Variants in FRYL observed in about 807,000 individuals in gnomAD.
FRYL encodes the protein protein furry homolog-like.
Under a neutral mutation model 351.2 loss-of-function variants are expected in FRYL, and 150 were observed. The observed-to-expected ratio is 0.43, with a 90% CI of 0.37 to 0.49. The LOEUF (loss-of-function observed/expected upper bound fraction) is 0.49, where lower values mean the gene tolerates loss of function less well. Among genes scored for constraint, FRYL ranks in the 20% least tolerant of loss-of-function variants. The pLI is 0.00. For synonymous variants in FRYL, 1,153 were observed against 1,257.1 expected (o/e 0.92, Z 1.75); for missense variants, 3,036 against 3,619.3 (o/e 0.84, Z 4.13).
At chr4:48,750,386 G>C (rs960354375) in intron 1 of FRYL, among the ~76,000 whole-genome samples, 2 of 150,532 alleles carry the variant, frequency 1.3e-5, no homozygotes, top group African/African-American at 4.9e-5. Context: ...GCTTGAGCCT[G>C]GGAGGTTGAG....
chr4:48,516,715 T>C (rs1723697820), intron 55 of FRYL, among the ~76,000 whole-genome samples: 1 of 152,156 alleles, frequency 6.6e-6, no homozygotes, highest in African/African-American at 2.4e-5. Flanking sequence ...TATAAATAAT[T>C]CCTAACTGCA....
chr4:48,770,925 C>A (rs754811070), intron 1 of FRYL, among the ~76,000 whole-genome samples: 1 of 152,016 alleles, frequency 6.6e-6, no homozygotes, highest in Non-Finnish European at 1.5e-5. Context: ...AACATTAGAA[C>A]AGGAAAAATG....
chr4:48,633,284 A>G (rs755562506), intron 4 of FRYL, among the ~76,000 whole-genome samples: 2 of 152,050 alleles, frequency 1.3e-5, no homozygotes, highest in Non-Finnish European at 2.9e-5. Flanking sequence ...TCCAATAACC[A>G]CTTCTCTCAA....
At chr4:48,505,757 AAATC>A (rs144650786) in intron 59 of FRYL, 142 bp from the exon 60 acceptor site, 2 of 560,040 alleles carry the variant, frequency 3.6e-6, no homozygotes, top group Non-Finnish European at 6.3e-6. Flanking sequence ...CATTCAAGCC[AAATC>A]AATCATTTAT....
At chr4:48,726,129 G>A (rs1441637478) in intron 1 of FRYL, among the ~76,000 whole-genome samples, 3 of 152,278 alleles carry the variant, frequency 2.0e-5, no homozygotes, top group African/African-American at 7.2e-5. Flanking sequence ...AGTTCTTTTT[G>A]TGGGGGTAGG....
At chr4:48,769,754 A>C (rs1286124528) in intron 1 of FRYL, among the ~76,000 whole-genome samples, 1 of 152,262 alleles carries the variant, frequency 6.6e-6, no homozygotes, top group African/African-American at 2.4e-5. Context: ...AATAAGAAGA[A>C]ATAAGCTATT....
Position 48,540,708 on chromosome 4 carries a change from G to A in FRYL, c.5940C>T (p.Ser1980=), listed in dbSNP as rs745381714. ...CATACATTCCTTTCTCTCTTAGAGA[G>A]GAAAGGCTTCTAGTCCTTGCTAAAC... ...SSSLARTRSL[S]SLREKGMYDV... The change falls in exon 46 of 64, where the codon TCC becomes TCT. Residue 1980 remains serine, a synonymous_variant. Transcript: ENST00000358350. 6.2e-7 allele frequency: 1 copy of A among 1,613,908 alleles called. No homozygotes were observed. The highest frequency in any genetic ancestry group is 8.5e-7 in the Non-Finnish European group (1 of 1,179,822).
At chr4:48,749,314 G>A (rs187750237) in intron 1 of FRYL, among the ~76,000 whole-genome samples, 1 of 152,308 alleles carries the variant, frequency 6.6e-6, no homozygotes, top group Non-Finnish European at 1.5e-5. Flanking sequence ...ATGAGAAATT[G>A]GGCTTGGATT....
Position 48,557,449 on chromosome 4 carries a change from T to C in FRYL, c.4125+4A>G. On this transcript the variant is annotated splice_donor_region_variant and intron_variant, in intron 34 of 63. Transcript: ENST00000358350. ...AGCAATTATAAATACAAAACTCATT[T>C]TACCTTTGCTGTCATATACATCAGA... The C allele has an allele frequency of 6.2e-7, 1 of 1,613,684 alleles. No homozygotes were observed. Among genetic ancestry groups the C allele is most frequent in the Non-Finnish European group, 8.5e-7 (1 of 1,179,600 alleles).
chr4:48,554,809 T>C (rs1733725960), intron 35 of FRYL, among the ~76,000 whole-genome samples: 1 of 152,198 alleles, frequency 6.6e-6, no homozygotes, highest in Non-Finnish European at 1.5e-5. Context: ...ATCTCCGAGT[T>C]GACACTCCCA....
chr4:48,505,444 ATTCT>A (rs1278558966), intron 60 of FRYL, 99 bp downstream of exon 60: 2 of 744,394 alleles, frequency 2.7e-6, no homozygotes, highest in Non-Finnish European at 4.7e-6. Flanking sequence ...TTTTACAAAT[ATTCT>A]TTATTTTTAG....
At chr4:48,771,121 A>C (rs1268044277) in intron 1 of FRYL, among the ~76,000 whole-genome samples, 1 of 152,224 alleles carries the variant, frequency 6.6e-6, no homozygotes, top group Non-Finnish European at 1.5e-5. Flanking sequence ...AGCTCCAAAA[A>C]CATTAACTCT....
rs140845098 is a variant in FRYL at position 48,724,513 on chromosome 4, T to C, written c.-383-13815A>G. ...AAACTTAATTTCTCATCATAGAGTT[T>C]ATCATCCAATATTTGTTTACTGTTT... On this transcript the variant is annotated intron_variant, in intron 1 of 63. Coordinates refer to ENST00000358350, the MANE Select transcript of FRYL (RefSeq NM_015030.2). Among the ~76,000 whole-genome samples the C allele has an allele frequency of 1.0e-3, 156 of 152,316 alleles. 1 individual carries two copies. Among genetic ancestry groups the C allele is most frequent in the African/African-American group, 3.6e-3 (151 of 41,568 alleles).
chr4:48,528,803 CAA>C (rs1383823731), intron 50 of FRYL, among the ~76,000 whole-genome samples: 1 of 152,080 alleles, frequency 6.6e-6, no homozygotes, highest in Non-Finnish European at 1.5e-5. Flanking sequence ...ACTGAAGTAA[CAA>C]AAGAGGAACA....
chr4:48,687,267 T>C (rs1765227740), intron 2 of FRYL, among the ~76,000 whole-genome samples: 2 of 152,128 alleles, frequency 1.3e-5, no homozygotes, highest in South Asian at 2.1e-4. Flanking sequence ...CAAATAACCA[T>C]TGCTGTTCTT....
chr4:48,670,933 A>G (rs1762552003), intron 3 of FRYL, among the ~76,000 whole-genome samples: 1 of 152,170 alleles, frequency 6.6e-6, no homozygotes, highest in African/African-American at 2.4e-5. Flanking sequence ...TCTTTGATAT[A>G]CTGATTTCCT....
At chr4:48,608,836 G>A (rs145430011) in intron 9 of FRYL, 151 bp downstream of exon 9, 94 of 614,170 alleles carry the variant, frequency 1.5e-4, no homozygotes, top group African/African-American at 1.5e-3. Flanking sequence ...AAGAGCTTCT[G>A]AGAAACAGAG....
In FRYL at chr4:48,522,935, A is replaced by C. The variant is rs1433914856; in HGVS notation, c.7487T>G (p.Leu2496Arg). The change falls in exon 54 of 64, where the codon CTT becomes CGT. Residue 2496 changes from leucine (L) to arginine (R), a missense_variant. Around this residue, in one of 7 missense-constraint regions of FRYL, gnomAD observed 1,987 missense variants for 2,311.7 expected, o/e 0.86. Coordinates refer to ENST00000358350, the MANE Select transcript of FRYL (RefSeq NM_015030.2). The part of the protein sequence containing the change: ...TDESSEEEAA[L>R]TASQILSRTQ... The stretch of plus-strand genomic sequence containing the variant: ...GCGTGAGAGTATCTGGCTTGCTGTA[A>C]GTGCCGCTTCTTCTTCCGAGGACTC... 6.2e-7 allele frequency: 1 copy of C among 1,614,008 alleles called. No individual in the cohort carries two copies. The highest frequency in any genetic ancestry group is 1.3e-5 in the African/African-American group (1 of 75,026).
At chr4:48,653,785 A>G in intron 3 of FRYL, 1 of 1,290,588 alleles carries the variant, frequency 7.7e-7, no homozygotes, top group African/African-American at 1.5e-5. Context: ...TAGACTCAAC[A>G]TAGTGTCTCA....
Sources: gnomAD v4.1 joint callset for allele counts (sites outside exome capture counted in the v4.1 genomes callset) on GRCh38, gnomAD v4.1.1 for gene constraint, gnomAD v4.1.1 regional missense constraint, MANE v1.5 for transcripts, NCBI Gene and HGNC (gene_info 2026-07-23, HGNC 2026-07-21) for gene names.